WDR7: variants seen among roughly 807,000 people sequenced by gnomAD.
WDR7 encodes WD repeat domain 7, also known as WD repeat-containing protein 7.
In WDR7, 46 loss-of-function variants were observed where a neutral mutation model predicts 169.4. The ratio of observed to expected loss-of-function variants is 0.27; its 90% CI spans 0.21 to 0.35. The LOEUF (loss-of-function observed/expected upper bound fraction) is 0.35. WDR7 is among the 10% of genes least tolerant of loss of function. The pLI is 1.00. For missense variants in WDR7, 1,534 were observed against 1,859.3 expected (o/e 0.83, Z 3.22); for synonymous variants, 612 against 666.8 (o/e 0.92, Z 1.27).
intron 22 of WDR7, among the ~76,000 whole-genome samples, chr18:56,926,759 A>G (rs2046814348): frequency 6.6e-6 from 1 of 152,250 alleles, no homozygotes. Flanking sequence ...AATTTTCATC[A>G]TGATAAATTG....
At chr18:57,036,268 T>TC in the WDR7 span, 1 of 152,176 alleles carries the variant, frequency 6.6e-6, no homozygotes, top group Non-Finnish European at 1.5e-5. Flanking sequence ...ATGCATTCAC[T>TC]CCCCCAGGTA....
intron 20 of WDR7, among the ~76,000 whole-genome samples, chr18:56,859,907 C>G (rs773190604): frequency 3.3e-5 from 5 of 152,106 alleles, no homozygotes; most frequent in Non-Finnish European, 7.4e-5. Flanking sequence ...GGCATTCGCT[C>G]CTTTAATGTC....
chr18:56,689,417 C>T (rs530968068), intron 7 of WDR7, among the ~76,000 whole-genome samples: 2 of 152,076 alleles, frequency 1.3e-5, no homozygotes, highest in East Asian at 3.9e-4. Context: ...TGGACCACCA[C>T]GCCTGACCAA....
At chr18:56,991,483 T>A (rs947320618) in intron 26 of WDR7, among the ~76,000 whole-genome samples, 1 of 151,956 alleles carries the variant, frequency 6.6e-6, no homozygotes, top group Non-Finnish European at 1.5e-5. Context: ...CAAATGAGAG[T>A]TGGAGTAATC....
intron 19 of WDR7, among the ~76,000 whole-genome samples, chr18:56,808,493 A>G (rs2044813765): frequency 6.6e-6 from 1 of 152,188 alleles, no homozygotes; most frequent in Admixed American, 6.6e-5. Context: ...TCTTAGTCCT[A>G]GCAGTGTTTA....
At chr18:56,759,208 C>A (rs985080201) in intron 16 of WDR7, among the ~76,000 whole-genome samples, 1 of 152,098 alleles carries the variant, frequency 6.6e-6, no homozygotes, top group Non-Finnish European at 1.5e-5. Flanking sequence ...TGCATTGGGG[C>A]ACCTTAACTT....
At chr18:56,866,858 G>T (rs2045889113) in intron 20 of WDR7, among the ~76,000 whole-genome samples, 1 of 152,082 alleles carries the variant, frequency 6.6e-6, no homozygotes. Flanking sequence ...AGAAGAATCT[G>T]AGCATTTCTA....
intron 26 of WDR7, among the ~76,000 whole-genome samples, chr18:57,002,394 TATC>T (rs989103170): frequency 6.6e-6 from 1 of 152,208 alleles, no homozygotes; most frequent in African/African-American, 2.4e-5. Context: ...TGAAAATAAT[TATC>T]ATAAAAACTA....
chr18:56,658,062 CT>C (rs1281126046), intron 1 of WDR7, among the ~76,000 whole-genome samples: 1 of 151,964 alleles, frequency 6.6e-6, no homozygotes, highest in African/African-American at 2.4e-5. Flanking sequence ...TCTGTAGGCT[CT>C]TTAAAATATA....
chr18:56,678,224 A>G (rs2025282386), intron 2 of WDR7, among the ~76,000 whole-genome samples: 1 of 152,118 alleles, frequency 6.6e-6, no homozygotes, highest in South Asian at 2.1e-4. Flanking sequence ...CCCTATTTCG[A>G]ATTATCTGTC....
chr18:56,808,348 C>A (rs773633491), intron 19 of WDR7, among the ~76,000 whole-genome samples: 1 of 152,116 alleles, frequency 6.6e-6, no homozygotes, highest in African/African-American at 2.4e-5. Context: ...GACTGGAAAA[C>A]CACAGTTGTG....
At chr18:56,883,541 G>C (rs904933651) in intron 21 of WDR7, among the ~76,000 whole-genome samples, 6 of 150,626 alleles carry the variant, frequency 4.0e-5, no homozygotes, top group African/African-American at 1.2e-4. Flanking sequence ...GGTTTTGGAG[G>C]AGCAAGTGTT....
chr18:56,957,184 C>T (rs1167778199), intron 25 of WDR7: 1 of 152,132 alleles, frequency 6.6e-6, no homozygotes, highest in Non-Finnish European at 1.5e-5. Context: ...TGTGTGCTGA[C>T]ATGAGAGGAC....
At chr18:56,668,800 G>A (rs1469315525) in intron 1 of WDR7, among the ~76,000 whole-genome samples, 4 of 151,874 alleles carry the variant, frequency 2.6e-5, no homozygotes, top group Non-Finnish European at 2.9e-5. Flanking sequence ...GTCAATGAAA[G>A]GTATTAACCT....
intron 27 of WDR7, among the ~76,000 whole-genome samples, chr18:57,023,056 C>T (rs722090): frequency 0.32 from 48,629 of 152,132 alleles, 8,615 homozygotes; most frequent in East Asian, 0.81. Flanking sequence ...TAACATACAG[C>T]CCATTTCTTC....
chr18:56,920,573 A>C (rs541615995), intron 21 of WDR7, among the ~76,000 whole-genome samples: 2 of 152,334 alleles, frequency 1.3e-5, no homozygotes, highest in South Asian at 4.1e-4. Context: ...AGTTAGCTGA[A>C]CTTTTTAATA....
intron 20 of WDR7, among the ~76,000 whole-genome samples, chr18:56,863,923 A>C (rs150816951): frequency 0.014 from 2,126 of 151,928 alleles, 29 homozygotes; most frequent in East Asian, 0.035. Flanking sequence ...TAAAAATCTC[A>C]ATACTGCATG....
At chr18:56,890,581 T>C (rs1258895225) in intron 21 of WDR7, among the ~76,000 whole-genome samples, 1 of 152,166 alleles carries the variant, frequency 6.6e-6, no homozygotes, top group East Asian at 1.9e-4. Flanking sequence ...AGATAAGCAA[T>C]AGCAAAAGAA....
chr18:56,847,344 A>G (rs1212765167), intron 20 of WDR7, among the ~76,000 whole-genome samples: 1 of 152,200 alleles, frequency 6.6e-6, no homozygotes, highest in Admixed American at 6.5e-5. Context: ...GGCTGCTTCT[A>G]ACAGCCTGTG....
Sources: gnomAD v4.1 joint callset for allele counts (sites outside exome capture counted in the v4.1 genomes callset) on GRCh38, gnomAD v4.1.1 for gene constraint, MANE v1.5 for transcripts, NCBI Gene and HGNC (gene_info 2026-07-23, HGNC 2026-07-21) for gene names.